SLC24A4: variants seen among roughly 807,000 people sequenced by gnomAD.
SLC24A4 encodes sodium/potassium/calcium exchanger 4.
A neutral mutation model predicts 79.0 loss-of-function variants in SLC24A4; 53 were observed. The observed-to-expected ratio is 0.67, with a 90% CI of 0.54 to 0.84. The LOEUF is 0.84. Ranked by LOEUF, SLC24A4 falls within the 40% of genes least tolerant of loss-of-function variation. The probability of loss-of-function intolerance (pLI) is 0.00; values close to 1 mark genes in which losing one functional copy is unlikely to be tolerated. For synonymous variants in SLC24A4, 323 were observed against 323.8 expected, an observed-to-expected ratio of 1.00 and a Z score of 0.03; for missense variants, 731 against 822.0, an observed-to-expected ratio of 0.89 and a Z score of 1.35.
At chr14:92,354,317 T>A (rs1595154600) in intron 2 of SLC24A4, among the ~76,000 whole-genome samples, 1 of 151,680 alleles carries the variant, frequency 6.6e-6, no homozygotes, top group Admixed American at 6.6e-5. Context: ...TGCCCGGCTA[T>A]TTTTTTTGTA....
At chr14:92,467,908 C>T (rs935744399) in intron 12 of SLC24A4, among the ~76,000 whole-genome samples, 5 of 152,156 alleles carry the variant, frequency 3.3e-5, no homozygotes, top group Admixed American at 6.5e-5. Context: ...CGTAGTGCCT[C>T]GCCACTTCTA....
chr14:92,400,997 A>G (rs1037250260), intron 2 of SLC24A4, among the ~76,000 whole-genome samples: 1 of 152,186 alleles, frequency 6.6e-6, no homozygotes, highest in African/African-American at 2.4e-5. Context: ...GAAGTGAAAG[A>G]GATTCTTCTG....
chr14:92,374,195 G>A (rs564375656), intron 2 of SLC24A4, among the ~76,000 whole-genome samples: 10 of 152,314 alleles, frequency 6.6e-5, no homozygotes, highest in Middle Eastern at 3.4e-3. Context: ...AATGATTTTG[G>A]CACTGCATGA....
At chr14:92,357,215 G>C (rs1887230774) in intron 2 of SLC24A4, among the ~76,000 whole-genome samples, 1 of 152,214 alleles carries the variant, frequency 6.6e-6, no homozygotes, top group East Asian at 1.9e-4. Context: ...GCACAATTCA[G>C]ATTCAGGGAG....
At chr14:92,360,661 G>GT (rs1310875268) in intron 2 of SLC24A4, among the ~76,000 whole-genome samples, 4 of 152,198 alleles carry the variant, frequency 2.6e-5, no homozygotes, top group Admixed American at 6.5e-5. Flanking sequence ...CTGCCAATCA[G>GT]TTTTCCAAAC....
chr14:92,486,666 G>A lies in SLC24A4; in HGVS notation c.1423G>A (p.Val475Met). The part of the protein sequence containing the change: ...AVFSYIMVWL[V>M]TIIGYTLGIP... Reference sequence around the variant, plus strand: ...CATGTCTCCACCCCACATTCTGCAGGTGACTATTATCGGATACACACTTGG... The same window carrying A: ...CATGTCTCCACCCCACATTCTGCAGATGACTATTATCGGATACACACTTGG... The change falls in exon 14 of 17, where the codon GTG becomes ATG. Residue 475 changes from valine (V) to methionine (M), a missense_variant and splice_region_variant. By Grantham distance (21) the Val-to-Met change is conservative. Transcript: ENST00000532405. 6.2e-7 allele frequency: 1 copy of A among 1,607,436 alleles called. No individual in the cohort carries two copies. Among genetic ancestry groups the A allele is most frequent in the Non-Finnish European group, 8.5e-7 (1 of 1,173,982 alleles).
At chr14:92,446,861 T>C (rs566197824) in intron 8 of SLC24A4, among the ~76,000 whole-genome samples, 1 of 152,296 alleles carries the variant, frequency 6.6e-6, no homozygotes, top group South Asian at 2.1e-4. Flanking sequence ...GACCCCAGCC[T>C]TCCATGGGCA....
At chr14:92,380,377 C>T (rs1260223688) in intron 2 of SLC24A4, among the ~76,000 whole-genome samples, 9 of 152,264 alleles carry the variant, frequency 5.9e-5, no homozygotes, top group Non-Finnish European at 5.9e-5. Flanking sequence ...GGGGCTGGCA[C>T]GTGGCCGCAT....
chr14:92,440,927 G>A (rs1892455930), intron 4 of SLC24A4, among the ~76,000 whole-genome samples: 1 of 152,076 alleles, frequency 6.6e-6, no homozygotes, highest in Non-Finnish European at 1.5e-5. Context: ...AGGGAGGAGG[G>A]AGGACAGGAG....
At chr14:92,447,161 A>G (rs1158644946) in intron 8 of SLC24A4, among the ~76,000 whole-genome samples, 1 of 152,210 alleles carries the variant, frequency 6.6e-6, no homozygotes, top group African/African-American at 2.4e-5. Context: ...GAGACCCCTC[A>G]GCTTTTCTCG....
chr14:92,474,846 T>G, intron 12 of SLC24A4, among the ~76,000 whole-genome samples: 1 of 55,066 alleles, frequency 1.8e-5, no homozygotes, highest in South Asian at 5.5e-4. Context: ...TGTGTGTGTA[T>G]ATATATATAT....
At chr14:92,474,735 A>G (rs1894635218) in intron 12 of SLC24A4, among the ~76,000 whole-genome samples, 1 of 8,804 alleles carries the variant, frequency 1.1e-4, no homozygotes, top group African/African-American at 2.0e-4. Context: ...ACACGTATAT[A>G]TACGTATATA....
chr14:92,334,359 C>G (rs555755386), intron 2 of SLC24A4, among the ~76,000 whole-genome samples: 1 of 152,264 alleles, frequency 6.6e-6, no homozygotes, highest in East Asian at 1.9e-4. Context: ...GCTGGCACAG[C>G]CACCAATGTG....
chr14:92,443,320 CG>C, intron 6 of SLC24A4, 79 bp from the exon 7 acceptor site: 2 of 1,354,300 alleles, frequency 1.5e-6, no homozygotes, highest in Admixed American at 1.8e-5. Flanking sequence ...CCCTGCACTG[CG>C]GGGGGAGGAG....
chr14:92,371,703 T>C (rs1263556734), intron 2 of SLC24A4, among the ~76,000 whole-genome samples: 1 of 152,270 alleles, frequency 6.6e-6, no homozygotes, highest in Non-Finnish European at 1.5e-5. Flanking sequence ...TCACCCGTTG[T>C]GTGTCCACAT....
At chr14:92,449,237 G>A in intron 10 of SLC24A4, 21 bp downstream of exon 10, 1 of 1,612,984 alleles carries the variant, frequency 6.2e-7, no homozygotes, top group South Asian at 1.1e-5. Flanking sequence ...GCAGACAGGA[G>A]TGGGCAGAAA....
At chr14:92,361,661 T>C (rs1171223848) in intron 2 of SLC24A4, among the ~76,000 whole-genome samples, 1 of 152,160 alleles carries the variant, frequency 6.6e-6, no homozygotes. Context: ...TGCACAAGCG[T>C]ACTGTTTGGT....
At chr14:92,454,189 CCTCCAGA>C in intron 11 of SLC24A4, 120 bp downstream of exon 11, 1 of 1,007,168 alleles carries the variant, frequency 9.9e-7, no homozygotes, top group Non-Finnish European at 1.4e-6. Flanking sequence ...TGCCCTGGGG[CCTCCAGA>C]AGCCTGCCCA....
intron 2 of SLC24A4, among the ~76,000 whole-genome samples, chr14:92,348,244 T>C (rs532493046): frequency 1.3e-5 from 2 of 152,358 alleles, no homozygotes; most frequent in South Asian, 4.1e-4. Flanking sequence ...AGGTTCATTG[T>C]GTGGATTGGA....
Sources: allele counts gnomAD v4.1 joint callset (sites outside exome capture counted in the v4.1 genomes callset), GRCh38; gene constraint gnomAD v4.1.1; transcripts MANE v1.5; gene names NCBI Gene and HGNC (gene_info 2026-07-23, HGNC 2026-07-21).